Variants in SLC13A5 observed in about 807,000 individuals in gnomAD.
SLC13A5 encodes the protein solute carrier family 13 member 5, also known as Na(+)/citrate cotransporter.
In SLC13A5, 25 loss-of-function variants were observed where a neutral mutation model predicts 56.5. That is an observed-to-expected ratio of 0.44 (90% confidence interval 0.32 to 0.62). The LOEUF (loss-of-function observed/expected upper bound fraction) is 0.62. Among genes scored for constraint, SLC13A5 ranks in the 20% least tolerant of loss-of-function variants. The pLI is 0.04. For missense variants in SLC13A5, 649 were observed against 737.8 expected, an observed-to-expected ratio of 0.88 and a Z score of 1.39; for synonymous variants, 307 against 301.5, an observed-to-expected ratio of 1.02 and a Z score of -0.19.
At chr17:6,696,826 G>A (rs1243831644) in intron 6 of SLC13A5, among the ~76,000 whole-genome samples, 1 of 152,150 alleles carries the variant, frequency 6.6e-6, no homozygotes, top group Non-Finnish European at 1.5e-5. Flanking sequence ...CCTTCCGGGG[G>A]CCATGAGACA....
chr17:6,713,369 G>C lies in SLC13A5; in HGVS notation c.-36C>G. On this transcript the variant is annotated 5_prime_UTR_variant, in exon 1 of 12. Coordinates refer to ENST00000433363, the MANE Select transcript of SLC13A5 (RefSeq NM_177550.5). This position sits in a 1 kb window ranked among gnomAD's most constrained non-coding sequence, Gnocchi z 7.3. ...GGAGACTGGCGGGCGAGACGAGTGA[G>C]GGGCAGCTAGAGGCGCCGCGGGCTT... The C allele has an allele frequency of 6.3e-7, 1 of 1,594,938 alleles. No homozygotes were observed. Among genetic ancestry groups the C allele is most frequent in the Non-Finnish European group, 8.6e-7 (1 of 1,164,842 alleles).
chr17:6,707,208 C>A (rs773338533), intron 1 of SLC13A5, 52 bp from the exon 2 acceptor site: 63 of 1,605,218 alleles, frequency 3.9e-5, no homozygotes, highest in Non-Finnish European at 5.4e-5. Flanking sequence ...CTCTCCCCAC[C>A]CCCAGAACAC....
intron 6 of SLC13A5, among the ~76,000 whole-genome samples, chr17:6,699,565 G>A (rs894057345): frequency 1.2e-4 from 18 of 152,160 alleles, no homozygotes; most frequent in Non-Finnish European, 2.1e-4. Flanking sequence ...CTACCTCCCG[G>A]CTTCAAGCAA....
rs1351564619 is a variant in SLC13A5, at chr17:6,711,702, A to T, written c.102+1530T>A. 2.0e-5 allele frequency among the ~76,000 whole-genome samples: 3 copies of T among 150,016 alleles called. No individual in the cohort carries two copies. Among genetic ancestry groups the T allele is most frequent in the East Asian group, 3.9e-4 (2 of 5,102 alleles). ...GTGTGTTTGTGAGTGTGTGTGTGTG[A>T]GAGAGAGAGTGTGTATGTGTGTGTG... On this transcript the variant is annotated intron_variant, in intron 1 of 11. Coordinates refer to ENST00000433363, the MANE Select transcript of SLC13A5 (RefSeq NM_177550.5). The surrounding 1 kb of genome is among the most constrained non-coding windows in gnomAD (Gnocchi z 4.0).
Position 6,713,301 on chromosome 17 carries a change from G to A in SLC13A5, c.33C>T (p.Phe11=). 1 of 1,614,018 alleles carries A rather than the reference G, an allele frequency of 6.2e-7. No individual in the cohort carries two copies. Among genetic ancestry groups the A allele is most frequent in the African/African-American group, 1.3e-5 (1 of 75,070 alleles). The change falls in exon 1 of 12, where the codon TTC becomes TTT. Residue 11 remains phenylalanine, a synonymous_variant. Transcript: ENST00000433363. The surrounding 1 kb of genome is among the most constrained non-coding windows in gnomAD (Gnocchi z 7.3). MASALSYVSK[F]KSFVILFVTP... ...TGACGAACAAGATCACGAAGGACTT[G>A]AACTTGGAGACATAGCTCAGCGCCG...
At chr17:6,709,756 C>CA (rs773899273) in intron 1 of SLC13A5, among the ~76,000 whole-genome samples, 1 of 152,116 alleles carries the variant, frequency 6.6e-6, no homozygotes. Flanking sequence ...TTATCAGCCA[C>CA]AAAAAAATAA....
intron 1 of SLC13A5, among the ~76,000 whole-genome samples, chr17:6,707,396 A>G (rs1973900607): frequency 6.6e-6 from 1 of 151,834 alleles, no homozygotes; most frequent in African/African-American, 2.4e-5. Context: ...CCTCCTTCCC[A>G]GCTGTGTGGT....
chr17:6,700,673 A>G (rs938590071), intron 6 of SLC13A5, among the ~76,000 whole-genome samples: 1 of 152,168 alleles, frequency 6.6e-6, no homozygotes, highest in African/African-American at 2.4e-5. Flanking sequence ...GCAGATACTA[A>G]AGGACAGGCC....
rs1382179624 is a variant in SLC13A5, at chr17:6,711,583, TGTGTTTGG to T, written c.102+1641_102+1648del. Among the ~76,000 whole-genome samples the T allele has an allele frequency of 6.6e-6, 1 of 151,206 alleles. No individual in the cohort carries two copies. Among genetic ancestry groups the T allele is most frequent in the Non-Finnish European group, 1.5e-5 (1 of 67,784 alleles). The stretch of plus-strand genomic sequence containing the variant: ...GTGTGTGTTTGTGTGTCTGTGTTTG[TGTGTTTGG>T]GTGTGTGTTTGTGCGTGTGTTTTTG... On this transcript the variant is annotated intron_variant, in intron 1 of 11. Transcript: ENST00000433363. This position sits in a 1 kb window ranked among gnomAD's most constrained non-coding sequence, Gnocchi z 4.0.
intron 2 of SLC13A5, 110 bp downstream of exon 2, chr17:6,706,918 C>G: frequency 6.4e-7 from 1 of 1,561,424 alleles, no homozygotes; most frequent in Non-Finnish European, 8.7e-7. Flanking sequence ...GGAGAATCCA[C>G]AAATGAGGGT....
At position 6,711,717 on chromosome 17, in the gene SLC13A5, A is replaced by ATG. The variant is rs972308663; in HGVS notation, c.102+1513_102+1514dup. 3.4e-4 allele frequency among the ~76,000 whole-genome samples: 50 copies of ATG among 148,276 alleles called. 1 individual carries two copies. Among genetic ancestry groups the ATG allele is most frequent in the African/African-American group, 1.2e-3 (47 of 40,370 alleles). ...TGTGTGTGTGAGAGAGAGAGTGTGTATGTGTGTGTGTGTGAGTGGGGTCTC... is the reference window on the plus strand; with the variant it reads ...TGTGTGTGTGAGAGAGAGAGTGTGTATGTGTGTGTGTGTGTGAGTGGGGTCTC... On this transcript the variant is annotated intron_variant, in intron 1 of 11. Coordinates refer to ENST00000433363, the MANE Select transcript of SLC13A5 (RefSeq NM_177550.5). This position sits in a 1 kb window ranked among gnomAD's most constrained non-coding sequence, Gnocchi z 4.0.
In SLC13A5 at chr17:6,685,274, T is replaced by G. The variant is rs749227327; in HGVS notation, c.*933A>C. ...GGCCTCAGGTGAGGGAGGGCCTAGA[T>G]AGCCCACTGTGGCCCCCAGAGCGCC... On this transcript the variant is annotated 3_prime_UTR_variant, in exon 12 of 12. Coordinates refer to ENST00000433363, the MANE Select transcript of SLC13A5 (RefSeq NM_177550.5). This position sits in a 1 kb window ranked among gnomAD's most constrained non-coding sequence, Gnocchi z 4.2. 1.1e-4 allele frequency: 16 copies of G among 152,204 alleles called. No homozygotes were observed. The highest frequency in any genetic ancestry group is 1.9e-4 in the Non-Finnish European group (13 of 68,050). 9.4% of individuals were successfully genotyped at this position (152,204 alleles called of 1,614,324 possible).
At position 6,687,807 on chromosome 17, in the gene SLC13A5, T is replaced by A. The variant is rs1973291342; in HGVS notation, c.1438-141A>T. The stretch of plus-strand genomic sequence containing the variant: ...CTTGGTTCCTCTCCCTTTTGCCACG[T>A]CTCTGGCAGATAATTCCACCTACGG... On this transcript the variant is annotated intron_variant, in intron 10 of 11. Transcript: ENST00000433363. This position sits in a 1 kb window ranked among gnomAD's most constrained non-coding sequence, Gnocchi z 5.0. 1 of 1,054,258 alleles carries A rather than the reference T, an allele frequency of 9.5e-7. No homozygotes were observed. The highest frequency in any genetic ancestry group is 3.1e-5 in the East Asian group (1 of 32,584). 65.3% of individuals were successfully genotyped at this position (1,054,258 alleles called of 1,614,324 possible). A position where few individuals can be genotyped will look rare whatever the true frequency, so the allele number is the denominator to read the frequency against.
rs201825827 is a variant in SLC13A5 at position 6,699,108 on chromosome 17, TAAAG to T, written c.839+1892_839+1895del. On this transcript the variant is annotated intron_variant, in intron 6 of 11. Transcript: ENST00000433363. ...ATAAATAAAATAAAATAAAATAAAA[TAAAG>T]AAAGGAAAAGAGCGCTCGAAATCAT... Among the ~76,000 whole-genome samples the T allele has an allele frequency of 6.8e-3, 963 of 142,578 alleles. 5 individuals carry two copies. The highest frequency in any genetic ancestry group is 0.024 in the African/African-American group (901 of 37,960). 93.5% of individuals were successfully genotyped at this position (142,578 alleles called of 152,430 possible).
chr17:6,701,114 G>A lies in SLC13A5; in HGVS notation c.729C>T (p.Asp243=), dbSNP rs1258779927. 2 of 1,614,076 alleles carry A rather than the reference G, an allele frequency of 1.2e-6. No homozygotes were observed. The highest frequency in any genetic ancestry group is 1.7e-6 in the Non-Finnish European group (2 of 1,179,966). ...AAGCAAAGTTCACGAGGTCCTTGCT[G>A]TCAGGAAACAACCTACAAGAAGACA... ...LLGQMNELFP[D]SKDLVNFASW... The change falls in exon 6 of 12, where the codon GAC becomes GAT. Residue 243 remains aspartate, a synonymous_variant. Transcript: ENST00000433363. The surrounding 1 kb of genome is among the most constrained non-coding windows in gnomAD (Gnocchi z 4.1).
chr17:6,693,103 C>T lies in SLC13A5; in HGVS notation c.1216G>A (p.Val406Met). The T allele has an allele frequency of 6.2e-7, 1 of 1,613,818 alleles. No individual in the cohort carries two copies. Among genetic ancestry groups the T allele is most frequent in the African/African-American group, 1.3e-5 (1 of 74,916 alleles). ...LLDWKVTQEK[V>M]PWGIVLLLGG... ...AGTAGCAGCACGATGCCCCAGGGCA[C>T]TTTCTCCTGGGTTACCTTCCAATCC... is the stretch of plus-strand genomic sequence containing the variant. Residue 406 changes from valine (V) to methionine (M), a missense_variant, in exon 9 of 12, where the codon GTG becomes ATG. Transcript: ENST00000433363.
rs1973243885 is a variant in SLC13A5 at position 6,686,149 on chromosome 17, A to C, written c.*58T>G. 2 of 1,609,564 alleles carry C rather than the reference A, an allele frequency of 1.2e-6. No individual in the cohort carries two copies. Among genetic ancestry groups the C allele is most frequent in the African/African-American group, 2.7e-5 (2 of 74,814 alleles). The stretch of plus-strand genomic sequence containing the variant: ...CCCAAAACTCTGTACAAGGTGTGCC[A>C]GAAGGTTCGGTAGTCCTGAGGAGGG... On this transcript the variant is annotated 3_prime_UTR_variant, in exon 12 of 12. Transcript: ENST00000433363.
At position 6,713,344 on chromosome 17, in the gene SLC13A5, G is replaced by T; in HGVS notation, c.-11C>A. On this transcript the variant is annotated 5_prime_UTR_variant, in exon 1 of 12. Coordinates refer to ENST00000433363, the MANE Select transcript of SLC13A5 (RefSeq NM_177550.5). The surrounding 1 kb of genome is among the most constrained non-coding windows in gnomAD (Gnocchi z 7.3). Reference sequence around the variant, plus strand: ...CAGCGCCGAGGCCATCGCGCGGGAGGGAGACTGGCGGGCGAGACGAGTGAG... The same window carrying T: ...CAGCGCCGAGGCCATCGCGCGGGAGTGAGACTGGCGGGCGAGACGAGTGAG... 1 of 1,612,742 alleles carries T rather than the reference G, an allele frequency of 6.2e-7. No homozygotes were observed. Among genetic ancestry groups the T allele is most frequent in the Non-Finnish European group, 8.5e-7 (1 of 1,179,178 alleles).
At chr17:6,698,241 C>T (rs1973611780) in intron 6 of SLC13A5, among the ~76,000 whole-genome samples, 1 of 152,226 alleles carries the variant, frequency 6.6e-6, no homozygotes, top group Non-Finnish European at 1.5e-5. Context: ...AGCCACGCAC[C>T]CCACCACGAG....
Sources: gnomAD v4.1 joint callset for allele counts (sites outside exome capture counted in the v4.1 genomes callset) on GRCh38, gnomAD v4.1.1 for gene constraint, Gnocchi (gnomAD v3.1) non-coding constraint, MANE v1.5 for transcripts, NCBI Gene and HGNC (gene_info 2026-07-23, HGNC 2026-07-21) for gene names.